ZBTB20: variants seen among roughly 807,000 people sequenced by gnomAD.
ZBTB20 encodes the protein zinc finger and BTB domain containing 20.
ZBTB20 carries 9 observed loss-of-function variants against 56.9 expected under a neutral mutation model. The observed-to-expected ratio is 0.16, with a 90% CI of 0.10 to 0.28. The LOEUF (loss-of-function observed/expected upper bound fraction) is 0.28, where lower values mean the gene tolerates loss of function less well. ZBTB20 is among the 10% of genes least tolerant of loss of function. ZBTB20 has a pLI of 1.00. For missense variants in ZBTB20, 655 were observed against 1,003.0 expected, an observed-to-expected ratio of 0.65 and a Z score of 4.69; for synonymous variants, 417 against 420.7, an observed-to-expected ratio of 0.99 and a Z score of 0.11.
At chr3:114,849,386 A>C (rs531606222) in intron 4 of ZBTB20, among the ~76,000 whole-genome samples, 2 of 152,324 alleles carry the variant, frequency 1.3e-5, no homozygotes, top group Admixed American at 1.3e-4. Context: ...GCTCTATATA[A>C]GCTAGTTCAA....
chr3:115,019,476 T>A (rs1445617296), intron 2 of ZBTB20, among the ~76,000 whole-genome samples: 1 of 151,230 alleles, frequency 6.6e-6, no homozygotes, highest in African/African-American at 2.4e-5. Flanking sequence ...AAATATTATG[T>A]ATATACAATA....
chr3:114,822,227 T>A (rs1412603574), intron 4 of ZBTB20, among the ~76,000 whole-genome samples: 1 of 152,104 alleles, frequency 6.6e-6, no homozygotes, highest in African/African-American at 2.4e-5. Context: ...AGCAGTAAAA[T>A]TTAATATAAT....
At chr3:114,975,492 A>G (rs532871315) in intron 2 of ZBTB20, among the ~76,000 whole-genome samples, 2 of 152,282 alleles carry the variant, frequency 1.3e-5, no homozygotes, top group Admixed American at 6.5e-5. Flanking sequence ...CATGCACAGT[A>G]TTTTTGCAAA....
chr3:114,435,542 C>G (rs1256269333), intron 7 of ZBTB20, among the ~76,000 whole-genome samples: 2 of 152,158 alleles, frequency 1.3e-5, no homozygotes, highest in Non-Finnish European at 1.5e-5. Context: ...CCTTGCCAGG[C>G]CAGACTTCAT....
chr3:114,340,611 A>C (rs943373926), intron 11 of ZBTB20, among the ~76,000 whole-genome samples: 8 of 152,186 alleles, frequency 5.3e-5, no homozygotes, highest in Admixed American at 2.6e-4. Flanking sequence ...TGATTACTTA[A>C]AGACTTGTTT....
chr3:114,625,270 G>C (rs771723202), intron 6 of ZBTB20, among the ~76,000 whole-genome samples: 4 of 152,032 alleles, frequency 2.6e-5, no homozygotes, highest in Non-Finnish European at 5.9e-5. Context: ...GGACAAAACA[G>C]AGTACCACAG....
intron 6 of ZBTB20, among the ~76,000 whole-genome samples, chr3:114,685,006 T>C (rs2062243088): frequency 6.6e-6 from 1 of 152,124 alleles, no homozygotes; most frequent in Admixed American, 6.6e-5. Context: ...CCATCTTATA[T>C]CCCGCTTCCT....
chr3:114,885,491 TG>T (rs1247860708), intron 4 of ZBTB20, among the ~76,000 whole-genome samples: 1 of 152,178 alleles, frequency 6.6e-6, no homozygotes, highest in East Asian at 1.9e-4. Flanking sequence ...TGAGATCAAC[TG>T]AATTGTAATT....
intron 6 of ZBTB20, among the ~76,000 whole-genome samples, chr3:114,601,154 G>T (rs989444306): frequency 1.3e-5 from 2 of 152,046 alleles, no homozygotes; most frequent in Non-Finnish European, 2.9e-5. Flanking sequence ...GCTCAGGTAG[G>T]AAGTAAGAGC....
intron 7 of ZBTB20, among the ~76,000 whole-genome samples, chr3:114,410,718 G>A (rs1015947856): frequency 1.3e-5 from 2 of 152,220 alleles, no homozygotes; most frequent in Non-Finnish European, 2.9e-5. Context: ...TCGTGGGGGT[G>A]AGGAAGAAAT....
chr3:114,692,500 A>C (rs1208828208), intron 6 of ZBTB20, among the ~76,000 whole-genome samples: 3 of 152,150 alleles, frequency 2.0e-5, no homozygotes, highest in Admixed American at 2.0e-4. Flanking sequence ...CGTTCATATA[A>C]AGCGAAGTCA....
intron 3 of ZBTB20, among the ~76,000 whole-genome samples, chr3:114,952,375 C>G (rs959911924): frequency 6.6e-6 from 1 of 152,062 alleles, no homozygotes; most frequent in Non-Finnish European, 1.5e-5. Flanking sequence ...TAGATGCTAG[C>G]ATCATGATCT....
intron 3 of ZBTB20, among the ~76,000 whole-genome samples, chr3:114,966,518 C>A (rs1428909798): frequency 6.6e-6 from 1 of 151,980 alleles, no homozygotes; most frequent in East Asian, 1.9e-4. Flanking sequence ...CTAATTATAA[C>A]CCCAAGAGAT....
chr3:114,958,228 C>T (rs990470819), intron 3 of ZBTB20, among the ~76,000 whole-genome samples: 9 of 152,162 alleles, frequency 5.9e-5, no homozygotes, highest in African/African-American at 2.2e-4. Context: ...ATCTGCTATT[C>T]TCCAGGCAAA....
intron 5 of ZBTB20, among the ~76,000 whole-genome samples, chr3:114,700,245 T>C (rs1365121994): frequency 1.3e-5 from 2 of 152,108 alleles, no homozygotes; most frequent in African/African-American, 4.8e-5. Context: ...TTATCAAACT[T>C]TTATTTATTC....
At chr3:115,144,605 C>G (rs539114059) in intron 1 of ZBTB20, among the ~76,000 whole-genome samples, 1 of 152,230 alleles carries the variant, frequency 6.6e-6, no homozygotes, top group South Asian at 2.1e-4. Context: ...GAAAGTTTCT[C>G]TTTCCTCTAG....
intron 1 of ZBTB20, among the ~76,000 whole-genome samples, chr3:115,128,768 T>G (rs1576820480): frequency 3.0e-4 from 36 of 119,786 alleles, no homozygotes; most frequent in South Asian, 6.0e-4. Flanking sequence ...AGGGAAGGGA[T>G]GGGAAGGGAG....
chr3:114,890,857 C>T (rs2076780941), intron 4 of ZBTB20, among the ~76,000 whole-genome samples: 1 of 152,176 alleles, frequency 6.6e-6, no homozygotes, highest in African/African-American at 2.4e-5. Flanking sequence ...TATTTATTTA[C>T]ACCTGAGGTC....
chr3:115,015,364 G>A (rs1298849023), intron 2 of ZBTB20, among the ~76,000 whole-genome samples: 2 of 151,508 alleles, frequency 1.3e-5, no homozygotes, highest in Admixed American at 6.6e-5. Context: ...AGTTTGTTAC[G>A]TGGGTAAATG....
Sources: gnomAD v4.1 joint callset for allele counts (sites outside exome capture counted in the v4.1 genomes callset) on GRCh38, gnomAD v4.1.1 for gene constraint, MANE v1.5 for transcripts, NCBI Gene and HGNC (gene_info 2026-07-23, HGNC 2026-07-21) for gene names.